APLP2: variants seen among roughly 807,000 people sequenced by gnomAD.
APLP2 encodes the protein CDEI box-binding protein.
Under a neutral mutation model 89.9 loss-of-function variants are expected in APLP2, and 53 were observed. That is an observed-to-expected ratio of 0.59 (90% CI 0.47 to 0.74). APLP2 has a LOEUF of 0.74. APLP2 is among the 30% of genes least tolerant of loss of function. The probability of loss-of-function intolerance (pLI) is 0.00; values close to 1 mark genes in which losing one functional copy is unlikely to be tolerated. For synonymous variants in APLP2, 372 were observed against 348.6 expected (o/e 1.07, Z -0.75); for missense variants, 973 against 975.9 (o/e 1.00, Z 0.04).
chr11:130,127,621 C>A, intron 8 of APLP2, 145 bp from the exon 9 acceptor site: 1 of 663,962 alleles, frequency 1.5e-6, no homozygotes, highest in Non-Finnish European at 2.7e-6. Flanking sequence ...GAGGCAGTAA[C>A]AATGCTAAGC....
At chr11:130,121,005 G>A (rs1354758184) in intron 4 of APLP2, among the ~76,000 whole-genome samples, 187 bp downstream of exon 4, 2 of 152,208 alleles carry the variant, frequency 1.3e-5, no homozygotes, top group Non-Finnish European at 2.9e-5. Context: ...GTGTAGGAGA[G>A]CTCAGTGTTG....
intron 1 of APLP2, among the ~76,000 whole-genome samples, chr11:130,091,363 G>A (rs1945124443): frequency 6.8e-6 from 1 of 147,248 alleles, no homozygotes; most frequent in South Asian, 2.1e-4. Context: ...GGCCGGGCGG[G>A]GGGCCGACCC....
At chr11:130,140,558 G>A in intron 14 of APLP2, 75 bp downstream of exon 14, 1 of 1,238,528 alleles carries the variant, frequency 8.1e-7, no homozygotes, top group Non-Finnish European at 1.1e-6. Context: ...GATGTCAGAT[G>A]CTTCCAGGTG....
chr11:130,117,617 C>G (rs1009467889), intron 3 of APLP2, among the ~76,000 whole-genome samples: 10 of 152,122 alleles, frequency 6.6e-5, no homozygotes, highest in Non-Finnish European at 1.3e-4. Flanking sequence ...GCTGGCCAGG[C>G]TGGTCTCAGT....
At chr11:130,081,282 C>T (rs1031138079) in intron 1 of APLP2, among the ~76,000 whole-genome samples, 1 of 152,130 alleles carries the variant, frequency 6.6e-6, no homozygotes, top group Admixed American at 6.5e-5. Flanking sequence ...AAATGTACAA[C>T]ATTCATCCCT....
At chr11:130,094,681 C>G (rs576384333) in intron 1 of APLP2, among the ~76,000 whole-genome samples, 1 of 152,304 alleles carries the variant, frequency 6.6e-6, no homozygotes, top group South Asian at 2.1e-4. Context: ...TTTTTGGGAT[C>G]TGTCATGTTT....
chr11:130,076,067 T>G (rs1024594848), intron 1 of APLP2, among the ~76,000 whole-genome samples: 2 of 152,170 alleles, frequency 1.3e-5, no homozygotes, highest in Non-Finnish European at 2.9e-5. Context: ...TTAAAAACTT[T>G]TTGGGCCTTT....
chr11:130,109,807 T>G, intron 2 of APLP2: 1 of 500,056 alleles, frequency 2.0e-6, no homozygotes, highest in Non-Finnish European at 3.4e-6. Context: ...AGCTCTCAGT[T>G]CTTTAAGGAA....
At chr11:130,125,210 G>A (rs1565591862) in intron 7 of APLP2, among the ~76,000 whole-genome samples, 1 of 152,218 alleles carries the variant, frequency 6.6e-6, no homozygotes, top group Non-Finnish European at 1.5e-5. Flanking sequence ...CACAGGGACC[G>A]AGGGTGTCTT....
intron 1 of APLP2, chr11:130,070,580 T>G (rs1183415797): frequency 4.6e-6 from 6 of 1,310,956 alleles, no homozygotes. Flanking sequence ...TGTTGCCAGG[T>G]GGACGCGGCC....
At chr11:130,074,941 T>C (rs1941840528) in intron 1 of APLP2, among the ~76,000 whole-genome samples, 1 of 152,160 alleles carries the variant, frequency 6.6e-6, no homozygotes, top group Non-Finnish European at 1.5e-5. Context: ...ATAATTCAAT[T>C]TTCATGGGTT....
chr11:130,133,580 C>T, intron 11 of APLP2, 49 bp from the exon 12 acceptor site: 2 of 1,395,074 alleles, frequency 1.4e-6, no homozygotes, highest in Non-Finnish European at 1.0e-6. Context: ...TCCCTCCTGG[C>T]CTAGTTGTTT....
intron 1 of APLP2, among the ~76,000 whole-genome samples, chr11:130,102,233 G>A (rs191325589): frequency 3.3e-5 from 5 of 152,184 alleles, no homozygotes; most frequent in African/African-American, 9.6e-5. Context: ...TAGGATTTTC[G>A]TATCTTTTAA....
chr11:130,141,276 G>A lies in APLP2; in HGVS notation c.1924-222G>A, dbSNP rs1180289990. On this transcript the variant is annotated intron_variant, in intron 14 of 16. Coordinates refer to ENST00000338167, the MANE Select transcript of APLP2 (RefSeq NM_001142276.2). The surrounding 1 kb of genome is among the most constrained non-coding windows in gnomAD (Gnocchi z 4.2). ...CGGTTACTTGAAGGAAAATGCATAC[G>A]GGACCAGCTGCCATAATATAGTCTT... 4 of 539,488 alleles carry A rather than the reference G, an allele frequency of 7.4e-6. No individual in the cohort carries two copies. The highest frequency in any genetic ancestry group is 1.3e-5 in the Non-Finnish European group (4 of 302,094). The allele number at this position is 539,488 out of a possible 1,614,324, so 33.4% of individuals were successfully genotyped here.
chr11:130,135,823 C>T (rs1249589277), intron 13 of APLP2, 108 bp downstream of exon 13: 4 of 1,367,348 alleles, frequency 2.9e-6, no homozygotes, highest in East Asian at 2.4e-5. Flanking sequence ...GGTGTTCCTG[C>T]GAGAGTCAGG....
chr11:130,130,003 T>A (rs945989011), intron 10 of APLP2, 35 bp from the exon 11 acceptor site: 4 of 1,608,178 alleles, frequency 2.5e-6, no homozygotes, highest in Admixed American at 3.4e-5. Context: ...AATTCTCTAG[T>A]CTCTGGATAT....
intron 3 of APLP2, among the ~76,000 whole-genome samples, chr11:130,120,390 G>A (rs1022512020): frequency 6.6e-6 from 1 of 152,208 alleles, no homozygotes; most frequent in Non-Finnish European, 1.5e-5. Flanking sequence ...GAGAGTAGCT[G>A]TGTGTGTCTG....
intron 1 of APLP2, among the ~76,000 whole-genome samples, chr11:130,108,401 G>A (rs909012588): frequency 6.6e-6 from 1 of 152,208 alleles, no homozygotes; most frequent in African/African-American, 2.4e-5. Context: ...CTAAGGATAT[G>A]AACAGACACT....
intron 11 of APLP2, among the ~76,000 whole-genome samples, chr11:130,132,604 CTTTTT>C (rs61481686): frequency 7.5e-6 from 1 of 134,114 alleles, no homozygotes; most frequent in Non-Finnish European, 1.6e-5. Context: ...TTCTAATGGC[CTTTTT>C]TTTTTTTTTT....
Sources: gnomAD v4.1 joint callset for allele counts (sites outside exome capture counted in the v4.1 genomes callset) on GRCh38, gnomAD v4.1.1 for gene constraint, Gnocchi (gnomAD v3.1) non-coding constraint, MANE v1.5 for transcripts, NCBI Gene and HGNC (gene_info 2026-07-23, HGNC 2026-07-21) for gene names.